Variants in SMYD3 observed in about 807,000 individuals in gnomAD.
SMYD3 encodes the protein SET and MYND domain containing 3, also known as histone-lysine N-methyltransferase SMYD3.
Under a neutral mutation model 57.7 loss-of-function variants are expected in SMYD3, and 36 were observed. The ratio of observed to expected loss-of-function variants is 0.62; its 90% CI spans 0.48 to 0.82. The LOEUF (loss-of-function observed/expected upper bound fraction) is 0.82. Ranked by LOEUF, SMYD3 falls within the 40% of genes least tolerant of loss-of-function variation. The pLI is 0.00. For missense variants in SMYD3, 515 were observed against 538.8 expected, an observed-to-expected ratio of 0.96 and a Z score of 0.44; for synonymous variants, 211 against 195.0, an observed-to-expected ratio of 1.08 and a Z score of -0.68.
chr1:246,172,766 C>T (rs1243558101), intron 5 of SMYD3, among the ~76,000 whole-genome samples: 1 of 149,646 alleles, frequency 6.7e-6, no homozygotes, highest in Non-Finnish European at 1.5e-5. Flanking sequence ...AGAACACTCA[C>T]TGTACTCTAC....
intron 5 of SMYD3, among the ~76,000 whole-genome samples, chr1:246,287,649 G>C (rs1006533190): frequency 6.6e-6 from 1 of 152,114 alleles, no homozygotes; most frequent in South Asian, 2.1e-4. Flanking sequence ...ATTAGATTTG[G>C]GGGGGTTTTG....
intron 5 of SMYD3, among the ~76,000 whole-genome samples, chr1:246,099,402 G>A (rs1473714970): frequency 6.6e-6 from 1 of 152,012 alleles, no homozygotes; most frequent in Admixed American, 6.6e-5. Flanking sequence ...ATAGGCAATG[G>A]AACAATGACT....
intron 4 of SMYD3, among the ~76,000 whole-genome samples, 192 bp from the exon 5 acceptor site, chr1:246,327,529 A>G (rs2065376573): frequency 6.6e-6 from 1 of 152,220 alleles, no homozygotes. Context: ...ATTCTGCCAA[A>G]TTTTGTCTGC....
intron 5 of SMYD3, among the ~76,000 whole-genome samples, chr1:246,038,089 T>C (rs1030872908): frequency 6.6e-6 from 1 of 152,230 alleles, no homozygotes; most frequent in African/African-American, 2.4e-5. Context: ...CCTTGGGCTG[T>C]AGTTCCCAAC....
intron 10 of SMYD3, among the ~76,000 whole-genome samples, chr1:245,828,810 C>G (rs1436343322): frequency 1.3e-5 from 2 of 151,644 alleles, no homozygotes; most frequent in African/African-American, 2.4e-5. Context: ...TCAAGCATTT[C>G]TTGTGCCTCA....
In SMYD3 at chr1:246,335,423, T is replaced by G. The variant is rs754072764; in HGVS notation, c.280A>C (p.Lys94Gln). The G allele has an allele frequency of 5.6e-5, 90 of 1,614,192 alleles. No homozygotes were observed. The highest frequency in any genetic ancestry group is 3.3e-4 in the Middle Eastern group (2 of 6,062). The change falls in exon 3 of 12, where the codon AAA becomes CAA. Residue 94 changes from lysine to glutamine, a missense_variant. Physicochemically the swap from Lys to Gln is moderately conservative, Grantham distance 53. Coordinates refer to ENST00000490107, the MANE Select transcript of SMYD3 (RefSeq NM_001167740.2). ...ACGGAGTCTGGAGGATATCTGGGTT[T>G]GCAGCTTTTAAGGCATTTGCATTCC... ...KRECKCLKSCKPRYPPDSVRL... is the reference protein window; with the variant it reads ...KRECKCLKSCQPRYPPDSVRL...
At chr1:245,874,403 T>A (rs529045316) in intron 8 of SMYD3, among the ~76,000 whole-genome samples, 2 of 152,226 alleles carry the variant, frequency 1.3e-5, no homozygotes, top group African/African-American at 2.4e-5. Flanking sequence ...GGGTCCACAA[T>A]GACAGCTTCA....
chr1:245,774,212 T>C lies in SMYD3; in HGVS notation c.1077-10063A>G, dbSNP rs368088759. ...CTGGAGTCTCTGTCCTCCTCTGCTC[T>C]GTGGGACTTGGGGGACAAAAGAGCA... On this transcript the variant is annotated intron_variant, in intron 10 of 11. Transcript: ENST00000490107. 8.5e-5 allele frequency among the ~76,000 whole-genome samples: 13 copies of C among 152,354 alleles called. No homozygotes were observed. The East Asian group carries it at 1.3e-3, about 16-fold the overall frequency.
chr1:245,772,665 A>T (rs2046384421), intron 10 of SMYD3, among the ~76,000 whole-genome samples: 1 of 148,016 alleles, frequency 6.8e-6, no homozygotes, highest in Non-Finnish European at 1.5e-5. Flanking sequence ...ATCTCTACAA[A>T]TAAATACATA....
intron 1 of SMYD3, among the ~76,000 whole-genome samples, chr1:246,425,320 A>G (rs6426300): frequency 0.99 from 151,096 of 152,270 alleles, 74,978 homozygotes; most frequent in East Asian, 1. Flanking sequence ...CCGGAGATAC[A>G]ACACCAACCT....
At chr1:245,942,254 C>A (rs868410274) in intron 5 of SMYD3, among the ~76,000 whole-genome samples, 2 of 152,052 alleles carry the variant, frequency 1.3e-5, no homozygotes, top group African/African-American at 4.8e-5. Context: ...CAAAGACACA[C>A]GCAGGCTCAA....
At chr1:246,020,534 A>G (rs561893894) in intron 5 of SMYD3, among the ~76,000 whole-genome samples, 3 of 152,322 alleles carry the variant, frequency 2.0e-5, no homozygotes, top group African/African-American at 7.2e-5. Flanking sequence ...GTCCTGACTC[A>G]TTACAAGAAA....
At chr1:246,301,560 G>C (rs1382417087) in intron 5 of SMYD3, among the ~76,000 whole-genome samples, 1 of 152,138 alleles carries the variant, frequency 6.6e-6, no homozygotes, top group Non-Finnish European at 1.5e-5. Flanking sequence ...TTAATAAACT[G>C]CATGCACACA....
At chr1:246,472,859 T>C (rs1215835792) in intron 1 of SMYD3, among the ~76,000 whole-genome samples, 1 of 142,234 alleles carries the variant, frequency 7.0e-6, no homozygotes, top group African/African-American at 2.6e-5. Context: ...ATTTCTTTTT[T>C]TTTTTTTTTT....
chr1:245,976,069 TAGGGAAAGCCATCGTCTCCGGCCC>T (rs1481552325), intron 5 of SMYD3, among the ~76,000 whole-genome samples: 3 of 6,500 alleles, frequency 4.6e-4, no homozygotes, highest in East Asian at 3.3e-3. Flanking sequence ...GTCTCTAGCC[TAGGGAAAGCCATCGTCTCCGGCCC>T]AGGGAAAGCC....
chr1:245,908,869 AT>A (rs1432543630), intron 8 of SMYD3, among the ~76,000 whole-genome samples: 1 of 152,190 alleles, frequency 6.6e-6, no homozygotes, highest in African/African-American at 2.4e-5. Context: ...AGGTAGGAAG[AT>A]TTCAAGTTAA....
intron 5 of SMYD3, among the ~76,000 whole-genome samples, chr1:246,229,974 G>C (rs946591101): frequency 1.3e-5 from 2 of 152,002 alleles, no homozygotes; most frequent in Non-Finnish European, 2.9e-5. Context: ...TAAAAATCTG[G>C]GCCTTCAAGA....
intron 11 of SMYD3, among the ~76,000 whole-genome samples, chr1:245,753,636 A>G (rs914551429): frequency 7.0e-6 from 1 of 142,576 alleles, no homozygotes; most frequent in Non-Finnish European, 1.6e-5. Context: ...GCTGGGGCAG[A>G]CAGTCCTCAA....
intron 5 of SMYD3, among the ~76,000 whole-genome samples, chr1:245,959,172 G>A (rs2057936264): frequency 6.6e-6 from 1 of 152,116 alleles, no homozygotes; most frequent in Non-Finnish European, 1.5e-5. Context: ...ACTCTGGCCA[G>A]GTTGGTCTCA....
Sources: gnomAD v4.1 joint callset for allele counts (sites outside exome capture counted in the v4.1 genomes callset) on GRCh38, gnomAD v4.1.1 for gene constraint, MANE v1.5 for transcripts, NCBI Gene and HGNC (gene_info 2026-07-23, HGNC 2026-07-21) for gene names.